R3HCC1L: variants seen among roughly 807,000 people sequenced by gnomAD.
The protein encoded by R3HCC1L is coiled-coil domain-containing protein R3HCC1L.
Under a neutral mutation model 59.9 loss-of-function variants are expected in R3HCC1L, and 51 were observed. That is an observed-to-expected ratio of 0.85 (90% CI 0.68 to 1.07). The LOEUF is 1.07. R3HCC1L is among the 50% of genes least tolerant of loss of function. R3HCC1L has a pLI of 0.00. For synonymous variants in R3HCC1L, 322 were observed against 315.2 expected (o/e 1.02, Z -0.23); for missense variants, 965 against 933.0 (o/e 1.03, Z -0.45).
At chr10:98,219,736 T>A (rs181652678) in intron 5 of R3HCC1L, among the ~76,000 whole-genome samples, 2 of 151,380 alleles carry the variant, frequency 1.3e-5, no homozygotes, top group South Asian at 2.1e-4. Context: ...GGGAACAACT[T>A]TATTGTTGTT....
chr10:98,154,818 A>C (rs562356464), intron 1 of R3HCC1L, among the ~76,000 whole-genome samples: 1 of 152,350 alleles, frequency 6.6e-6, no homozygotes, highest in South Asian at 2.1e-4. Context: ...CTATGAGTAC[A>C]AATTCACTCT....
In R3HCC1L at chr10:98,209,933, A is replaced by G. The variant is rs765759363; in HGVS notation, c.1785+34A>G. The G allele has an allele frequency of 3.3e-6, 5 of 1,520,132 alleles. No individual in the cohort carries two copies. The Admixed American group carries it at 9.4e-5, about 29-fold the overall frequency. The allele number at this position is 1,520,132 out of a possible 1,614,324, so 94.2% of individuals were successfully genotyped here. On this transcript the variant is annotated intron_variant, in intron 5 of 9. Coordinates refer to ENST00000298999, the MANE Select transcript of R3HCC1L (RefSeq NM_001351015.2). Reference sequence around the variant, plus strand: ...AATTGAAATTGCTTGATGCTTAGTTAGTTTATAAATTAGGATTTCAGTGGT... The same window carrying G: ...AATTGAAATTGCTTGATGCTTAGTTGGTTTATAAATTAGGATTTCAGTGGT...
chr10:98,175,874 G>T (rs556304213), intron 4 of R3HCC1L, among the ~76,000 whole-genome samples: 2 of 152,140 alleles, frequency 1.3e-5, no homozygotes, highest in South Asian at 4.2e-4. Flanking sequence ...AAATCACAAA[G>T]ATTTTGTTCT....
intron 5 of R3HCC1L, among the ~76,000 whole-genome samples, chr10:98,222,240 T>A (rs374762399): frequency 1.3e-5 from 2 of 152,260 alleles, no homozygotes; most frequent in East Asian, 1.9e-4. Context: ...GTATCCTGAG[T>A]CTTTGCTGAA....
chr10:98,139,846 G>T (rs963660669), intron 1 of R3HCC1L, among the ~76,000 whole-genome samples: 1 of 150,132 alleles, frequency 6.7e-6, no homozygotes, highest in African/African-American at 2.5e-5. Context: ...TGTCCTTCTT[G>T]TATCTTTTTT....
At chr10:98,167,982 A>G (rs1848123267) in intron 4 of R3HCC1L, among the ~76,000 whole-genome samples, 2 of 152,294 alleles carry the variant, frequency 1.3e-5, no homozygotes, top group African/African-American at 4.8e-5. Flanking sequence ...AAGCCCCCAA[A>G]GCTTTATCCA....
chr10:98,152,388 T>G lies in R3HCC1L; in HGVS notation c.-267-3705T>G, dbSNP rs544687596. ...CCCGGCCGCCACCCCGTCTGGGAAG[T>G]GAGGAGCGTCTCTGCCTGGCCGCCC... On this transcript the variant is annotated intron_variant, in intron 1 of 9. Transcript: ENST00000298999. 8.6e-5 allele frequency among the ~76,000 whole-genome samples: 13 copies of G among 151,420 alleles called. No homozygotes were observed. In the East Asian group the frequency reaches 2.4e-3, roughly 27 times the overall value.
chr10:98,135,235 G>T (rs1309234441), intron 1 of R3HCC1L, among the ~76,000 whole-genome samples: 4 of 152,194 alleles, frequency 2.6e-5, no homozygotes, highest in Admixed American at 1.3e-4. Context: ...CCCCAAGTCC[G>T]ATCTTTAAAG....
chr10:98,210,017 A>G, intron 5 of R3HCC1L, 118 bp downstream of exon 5: 1 of 751,850 alleles, frequency 1.3e-6, no homozygotes, highest in South Asian at 1.9e-5. Flanking sequence ...CAATAAACTA[A>G]TAGGCTTGTA....
chr10:98,230,498 C>T (rs1856246013), intron 5 of R3HCC1L, among the ~76,000 whole-genome samples: 1 of 151,948 alleles, frequency 6.6e-6, no homozygotes, highest in Non-Finnish European at 1.5e-5. Context: ...AGTGGTCTAT[C>T]AATTTTGTTG....
At chr10:98,223,832 G>T (rs1184593878) in intron 5 of R3HCC1L, among the ~76,000 whole-genome samples, 1 of 152,142 alleles carries the variant, frequency 6.6e-6, no homozygotes, top group Non-Finnish European at 1.5e-5. Flanking sequence ...TGGACAGGCT[G>T]ATCCTTAGGC....
intron 5 of R3HCC1L, among the ~76,000 whole-genome samples, chr10:98,215,372 C>T (rs1854058763): frequency 6.6e-6 from 1 of 151,928 alleles, no homozygotes. Flanking sequence ...TAATTTTATA[C>T]ATATTGAAAC....
intron 1 of R3HCC1L, among the ~76,000 whole-genome samples, chr10:98,149,416 C>T (rs1014700011): frequency 6.6e-6 from 1 of 151,942 alleles, no homozygotes; most frequent in African/African-American, 2.4e-5. Context: ...TTGTTCTTTT[C>T]TAGTTCTTTG....
intron 1 of R3HCC1L, among the ~76,000 whole-genome samples, chr10:98,137,440 T>G (rs1452920057): frequency 2.6e-5 from 4 of 152,182 alleles, no homozygotes; most frequent in Non-Finnish European, 5.9e-5. Context: ...ATTATTTTGT[T>G]GCTGTTGTTA....
At chr10:98,195,563 A>G (rs768680876) in intron 4 of R3HCC1L, among the ~76,000 whole-genome samples, 3 of 150,112 alleles carry the variant, frequency 2.0e-5, no homozygotes, top group Non-Finnish European at 4.4e-5. Context: ...TTTTAGGTTT[A>G]TTGTAAAGTC....
chr10:98,153,629 A>G (rs944303462), intron 1 of R3HCC1L, among the ~76,000 whole-genome samples: 11 of 150,106 alleles, frequency 7.3e-5, no homozygotes, highest in South Asian at 2.1e-4. Flanking sequence ...AAAAAAAAAA[A>G]AAGAAGTTTA....
At chr10:98,163,885 A>C (rs1418100652) in intron 4 of R3HCC1L, among the ~76,000 whole-genome samples, 3 of 152,234 alleles carry the variant, frequency 2.0e-5, no homozygotes, top group Non-Finnish European at 4.4e-5. Context: ...GAAAAAAGAT[A>C]GCTGATTTTA....
intron 1 of R3HCC1L, among the ~76,000 whole-genome samples, chr10:98,153,855 G>T (rs1215770092): frequency 6.6e-6 from 1 of 151,310 alleles, no homozygotes; most frequent in African/African-American, 2.4e-5. Context: ...GACTCACGTG[G>T]TTTGCCGTGG....
chr10:98,146,240 T>G (rs1845641623), intron 1 of R3HCC1L, among the ~76,000 whole-genome samples: 1 of 152,086 alleles, frequency 6.6e-6, no homozygotes, highest in Non-Finnish European at 1.5e-5. Flanking sequence ...ATTTTTTTGG[T>G]GGGGGGGACA....
Sources: gnomAD v4.1 joint callset for allele counts (sites outside exome capture counted in the v4.1 genomes callset) on GRCh38, gnomAD v4.1.1 for gene constraint, MANE v1.5 for transcripts, NCBI Gene and HGNC (gene_info 2026-07-23, HGNC 2026-07-21) for gene names.